The following RSBN1L variants were observed in gnomAD, a reference collection of about 807,000 sequenced individuals.
RSBN1L encodes lysine-specific demethylase RSBN1L.
RSBN1L carries 30 observed loss-of-function variants against 67.7 expected under a neutral mutation model. The observed-to-expected ratio is 0.44, with a 90% CI of 0.33 to 0.60. The LOEUF (loss-of-function observed/expected upper bound fraction) is 0.60, where lower values mean the gene tolerates loss of function less well. RSBN1L is among the 20% of genes least tolerant of loss of function. The pLI is 0.02. For synonymous variants in RSBN1L, 433 were observed against 387.0 expected, an observed-to-expected ratio of 1.12 and a Z score of -1.39; for missense variants, 992 against 1,031.7, an observed-to-expected ratio of 0.96 and a Z score of 0.53.
chr7:77,749,352 C>T lies in RSBN1L; in HGVS notation c.704-72C>T, dbSNP rs965042364. On this transcript the variant is annotated intron_variant, in intron 2 of 7. Coordinates refer to ENST00000334955, the MANE Select transcript of RSBN1L (RefSeq NM_198467.3). ...TTCAGAAGTAAACTTCTTACTTAGA[C>T]AAAACTGTTCCTAAAGCATGGTTTT... is the stretch of plus-strand genomic sequence containing the variant. The T allele has an allele frequency of 1.4e-4, 170 of 1,180,334 alleles. 1 individual carries two copies. The highest frequency in any genetic ancestry group is 5.7e-4 in the Middle Eastern group (2 of 3,504). The allele number at this position is 1,180,334 out of a possible 1,614,324, so 73.1% of individuals were successfully genotyped here.
intron 1 of RSBN1L, among the ~76,000 whole-genome samples, chr7:77,712,117 T>A (rs1362493780): frequency 6.6e-6 from 1 of 152,150 alleles, no homozygotes; most frequent in Non-Finnish European, 1.5e-5. Context: ...TAATAATATA[T>A]GTTCATTGTA....
intron 5 of RSBN1L, among the ~76,000 whole-genome samples, chr7:77,769,691 A>C (rs766704517): frequency 1.3e-5 from 2 of 152,212 alleles, no homozygotes. Flanking sequence ...TTAATGTACA[A>C]AGAGCATTCT....
At chr7:77,744,623 G>A (rs1268093973) in intron 2 of RSBN1L, among the ~76,000 whole-genome samples, 5 of 151,170 alleles carry the variant, frequency 3.3e-5, no homozygotes, top group Non-Finnish European at 5.9e-5. Flanking sequence ...TCACCATGTT[G>A]GCCAGGCTGG....
At chr7:77,741,584 C>T (rs1043015444) in intron 2 of RSBN1L, among the ~76,000 whole-genome samples, 6 of 150,684 alleles carry the variant, frequency 4.0e-5, no homozygotes, top group Non-Finnish European at 5.9e-5. Flanking sequence ...CCCAGCTACT[C>T]GGGAGGCTGA....
chr7:77,725,569 T>G (rs1791190851), intron 1 of RSBN1L, among the ~76,000 whole-genome samples: 1 of 151,084 alleles, frequency 6.6e-6, no homozygotes, highest in African/African-American at 2.4e-5. Context: ...TTTTAAGTGT[T>G]CTGTGCATTT....
intron 1 of RSBN1L, among the ~76,000 whole-genome samples, chr7:77,716,622 A>ACCT (rs1415295510): frequency 9.9e-6 from 1 of 101,296 alleles, no homozygotes; most frequent in African/African-American, 3.7e-5. Context: ...GTGTATCTTC[A>ACCT]TCTTTTTTTT....
intron 1 of RSBN1L, among the ~76,000 whole-genome samples, chr7:77,702,979 G>C (rs962238605): frequency 1.3e-5 from 2 of 152,160 alleles, no homozygotes; most frequent in African/African-American, 2.4e-5. Context: ...TGGGCATTAA[G>C]GCTTCAACAT....
chr7:77,754,754 G>C (rs1201810663), intron 3 of RSBN1L, among the ~76,000 whole-genome samples: 1 of 152,120 alleles, frequency 6.6e-6, no homozygotes, highest in Non-Finnish European at 1.5e-5. Flanking sequence ...AGGATCACTA[G>C]GACCCAGGAG....
chr7:77,746,609 C>T (rs1252445092), intron 2 of RSBN1L, among the ~76,000 whole-genome samples: 1 of 152,150 alleles, frequency 6.6e-6, no homozygotes, highest in Middle Eastern at 3.2e-3. Context: ...CCAACAGTCC[C>T]CCCAAATCTT....
chr7:77,741,691 CAA>C (rs534456779), intron 2 of RSBN1L, among the ~76,000 whole-genome samples: 18 of 83,560 alleles, frequency 2.2e-4, no homozygotes, highest in Admixed American at 5.4e-4. Flanking sequence ...GACTCGGTCT[CAA>C]AAAAAAAAAA....
chr7:77,775,948 C>T (rs780215203), intron 6 of RSBN1L, among the ~76,000 whole-genome samples: 6 of 151,544 alleles, frequency 4.0e-5, no homozygotes, highest in Admixed American at 3.3e-4. Context: ...CCCAGCTCCT[C>T]GCTAGGCTGA....
At position 77,782,050 on chromosome 7, in the gene RSBN1L, C is replaced by G. The variant is rs1057142657; in HGVS notation, c.*2882C>G. 1 of 151,592 alleles carries G rather than the reference C, an allele frequency of 6.6e-6. No individual in the cohort carries two copies. The highest frequency in any genetic ancestry group is 6.6e-5 in the Admixed American group (1 of 15,214). The allele number at this position is 151,592 out of a possible 1,614,324, so 9.4% of individuals were successfully genotyped here. On this transcript the variant is annotated 3_prime_UTR_variant, in exon 8 of 8. Transcript: ENST00000334955. ...TGGGCTCAAGATTTGCAGGTACAGCCTTGTTAATGCCTTCAATAATGCTTA... is the reference window on the plus strand; with the variant it reads ...TGGGCTCAAGATTTGCAGGTACAGCGTTGTTAATGCCTTCAATAATGCTTA...
chr7:77,759,782 A>G (rs1399303384), intron 3 of RSBN1L: 1 of 152,242 alleles, frequency 6.6e-6, no homozygotes, highest in African/African-American at 2.4e-5. Context: ...TGATAGGTAT[A>G]CTAAAACAAG....
chr7:77,747,804 A>G (rs996055308), intron 2 of RSBN1L, among the ~76,000 whole-genome samples: 2 of 152,104 alleles, frequency 1.3e-5, no homozygotes, highest in African/African-American at 4.8e-5. Context: ...TTATACTGCT[A>G]TAAAGAAATA....
At chr7:77,769,501 G>A (rs570357354) in intron 5 of RSBN1L, among the ~76,000 whole-genome samples, 7 of 152,306 alleles carry the variant, frequency 4.6e-5, no homozygotes, top group African/African-American at 1.7e-4. Flanking sequence ...AGAGAATTAA[G>A]CATCACAGAT....
At chr7:77,722,087 T>A (rs1022631194) in intron 1 of RSBN1L, among the ~76,000 whole-genome samples, 1 of 152,080 alleles carries the variant, frequency 6.6e-6, no homozygotes, top group African/African-American at 2.4e-5. Flanking sequence ...TTACTGAAAA[T>A]TTTTTGTATT....
At chr7:77,722,171 A>T (rs1791128590) in intron 1 of RSBN1L, among the ~76,000 whole-genome samples, 1 of 152,170 alleles carries the variant, frequency 6.6e-6, no homozygotes, top group Admixed American at 6.5e-5. Flanking sequence ...TATTAGAAAG[A>T]TGATATTTTG....
rs774093435 is a variant in RSBN1L, at chr7:77,736,512, A to C, written c.689A>C (p.Lys230Thr). 2 of 1,315,402 alleles carry C rather than the reference A, an allele frequency of 1.5e-6. No homozygotes were observed. The highest frequency in any genetic ancestry group is 2.9e-5 in the South Asian group (2 of 70,076). The allele number at this position is 1,315,402 out of a possible 1,614,324, so 81.5% of individuals were successfully genotyped here. ...ATCAAGAAAGAGAATGGAGAAGTAA[A>C]GATTTTGCTGAAAAGTAAGTTTTAT... ...NEIKKENGEV[K>T]ILLKSGKEKP... Residue 230 changes from lysine (K) to threonine (T), a missense_variant, in exon 2 of 8, where the codon AAG (lysine) becomes ACG (threonine). Physicochemically the swap from Lys to Thr is moderately conservative, Grantham distance 78 (BLOSUM62 -1). Transcript: ENST00000334955.
intron 3 of RSBN1L, among the ~76,000 whole-genome samples, chr7:77,755,300 A>C (rs1254781870): frequency 6.6e-6 from 1 of 152,216 alleles, no homozygotes; most frequent in Non-Finnish European, 1.5e-5. Context: ...GCTGCTCCTC[A>C]ACTTACGCTA....
Sources: allele counts gnomAD v4.1 joint callset (sites outside exome capture counted in the v4.1 genomes callset), GRCh38; gene constraint gnomAD v4.1.1; transcripts MANE v1.5; gene names NCBI Gene and HGNC (gene_info 2026-07-23, HGNC 2026-07-21).